Variants in RB1CC1 observed in about 807,000 individuals in gnomAD.
The protein encoded by RB1CC1 is RB1-inducible coiled-coil protein 1.
RB1CC1 carries 46 observed loss-of-function variants against 177.5 expected under a neutral mutation model. The ratio of observed to expected loss-of-function variants is 0.26; its 90% confidence interval spans 0.20 to 0.33. The LOEUF (loss-of-function observed/expected upper bound fraction) is 0.33. Among genes scored for constraint, RB1CC1 ranks in the 10% least tolerant of loss-of-function variants. The pLI is 1.00. For synonymous variants in RB1CC1, 666 were observed against 613.6 expected, an observed-to-expected ratio of 1.09 and a Z score of -1.26; for missense variants, 1,703 against 1,816.3, an observed-to-expected ratio of 0.94 and a Z score of 1.13.
chr8:52,648,698 T>A (rs557402868), intron 15 of RB1CC1, among the ~76,000 whole-genome samples: 2 of 152,262 alleles, frequency 1.3e-5, no homozygotes, highest in Admixed American at 6.5e-5. Flanking sequence ...CTTTTGCAGT[T>A]TGAGGTGTGA....
At chr8:52,673,814 A>C (rs1318046589) in intron 7 of RB1CC1, 31 bp downstream of exon 7, 3 of 1,545,084 alleles carry the variant, frequency 1.9e-6, no homozygotes, top group Non-Finnish European at 2.6e-6. Flanking sequence ...TAGTAAAATG[A>C]CAAAACAAAC....
At chr8:52,690,308 TC>T (rs1256308606) in intron 1 of RB1CC1, among the ~76,000 whole-genome samples, 2 of 152,222 alleles carry the variant, frequency 1.3e-5, no homozygotes, top group African/African-American at 4.8e-5. Flanking sequence ...ATTCCTTCAT[TC>T]ATTCATTCAT....
chr8:52,646,638 G>A (rs887953136), intron 15 of RB1CC1, among the ~76,000 whole-genome samples: 1 of 152,142 alleles, frequency 6.6e-6, no homozygotes, highest in Non-Finnish European at 1.5e-5. Context: ...GCGCTTACAC[G>A]AACAAATCTA....
At chr8:52,649,287 G>A (rs1467407185) in intron 15 of RB1CC1, among the ~76,000 whole-genome samples, 2 of 152,244 alleles carry the variant, frequency 1.3e-5, no homozygotes, top group South Asian at 4.1e-4. Context: ...ACTCAAGGAA[G>A]CAGATACATT....
Position 52,685,534 on chromosome 8 carries a change from G to C in RB1CC1, c.-51-14C>G, listed in dbSNP as rs957833073. On this transcript the variant is annotated splice_polypyrimidine_tract_variant and intron_variant, in intron 2 of 23. Coordinates refer to ENST00000025008, the MANE Select transcript of RB1CC1 (RefSeq NM_014781.5). ...CTGATACAGTTACTAGAAGAAACAA[G>C]AGAAGTGATCAATTTTACAAATGCA... The C allele has an allele frequency of 2.0e-6, 2 of 1,002,510 alleles. No individual in the cohort carries two copies. Among genetic ancestry groups the C allele is most frequent in the East Asian group, 2.4e-5 (1 of 40,918 alleles). 62.1% of individuals were successfully genotyped at this position (1,002,510 alleles called of 1,614,324 possible). A position where few individuals can be genotyped will look rare whatever the true frequency, so the allele number is the denominator to read the frequency against.
chr8:52,623,619 C>T lies in RB1CC1; in HGVS notation c.*163G>A. 4 of 662,228 alleles carry T rather than the reference C, an allele frequency of 6.0e-6. No homozygotes were observed. Among genetic ancestry groups the T allele is most frequent in the Non-Finnish European group, 1.1e-5 (4 of 358,634 alleles). The allele number at this position is 662,228 out of a possible 1,614,324, so 41.0% of individuals were successfully genotyped here. A position where few individuals can be genotyped will look rare whatever the true frequency, so the allele number is the denominator to read the frequency against. On this transcript the variant is annotated 3_prime_UTR_variant, in exon 24 of 24. Coordinates refer to ENST00000025008, the MANE Select transcript of RB1CC1 (RefSeq NM_014781.5). ...AAGGATTCTGATGAATTTATTATTCCTAAAATGAAGCCAGTTAAAAAGTAA... is the reference window on the plus strand; with the variant it reads ...AAGGATTCTGATGAATTTATTATTCTTAAAATGAAGCCAGTTAAAAAGTAA...
intron 7 of RB1CC1, among the ~76,000 whole-genome samples, chr8:52,671,498 G>A (rs757693456): frequency 6.6e-5 from 10 of 152,038 alleles, no homozygotes; most frequent in Non-Finnish European, 1.2e-4. Context: ...TCTCATACTC[G>A]GTTCATCTTC....
chr8:52,636,798 A>G (rs565654182), intron 18 of RB1CC1, among the ~76,000 whole-genome samples: 2 of 152,312 alleles, frequency 1.3e-5, no homozygotes, highest in South Asian at 4.1e-4. Flanking sequence ...ATCCTTTTGC[A>G]TCAGAATATC....
At chr8:52,668,593 TC>T (rs1305257897) in intron 7 of RB1CC1, among the ~76,000 whole-genome samples, 3 of 152,116 alleles carry the variant, frequency 2.0e-5, no homozygotes, top group Non-Finnish European at 4.4e-5. Context: ...AGATAAAACT[TC>T]CTTATTCTCT....
In RB1CC1 at chr8:52,656,633, A is replaced by G; in HGVS notation, c.3196T>C (p.Leu1066=). Residue 1066 remains leucine, a synonymous_variant, in exon 15 of 24, where the codon TTG becomes CTG. Transcript: ENST00000025008. ...TRCKLEVELA[L]KEAETDEIKI... is the part of the protein sequence containing the mutation. ...ATTTCATCAGTTTCTGCTTCCTTCA[A>G]CGCAAGTTCAACCTCTAACTTGCAT... 1 of 1,613,794 alleles carries G rather than the reference A, an allele frequency of 6.2e-7. No individual in the cohort carries two copies. The highest frequency in any genetic ancestry group is 8.5e-7 in the Non-Finnish European group (1 of 1,179,886).
In RB1CC1 at chr8:52,630,968, G is replaced by C. The variant is rs147303365; in HGVS notation, c.4441-440C>G. Among the ~76,000 whole-genome samples the C allele has an allele frequency of 5.7e-3, 866 of 152,250 alleles. 3 individuals are homozygous for C. Among genetic ancestry groups the C allele is most frequent in the Non-Finnish European group, 9.6e-3 (651 of 68,014 alleles). Reference sequence around the variant, plus strand: ...GCTGCTGCTCACAGCCGTCACAATTGCAAGAGAACACCAAACAAAGGAAGG... The same window carrying C: ...GCTGCTGCTCACAGCCGTCACAATTCCAAGAGAACACCAAACAAAGGAAGG... On this transcript the variant is annotated intron_variant, in intron 20 of 23. Coordinates refer to ENST00000025008, the MANE Select transcript of RB1CC1 (RefSeq NM_014781.5).
chr8:52,661,168 GTAC>G lies in RB1CC1; in HGVS notation c.1469_1471del (p.Ser490del). On this transcript the variant is annotated inframe_deletion, in exon 10 of 24. Coordinates refer to ENST00000025008, the MANE Select transcript of RB1CC1 (RefSeq NM_014781.5). ...AGCTAAGCAGTACATCTGAGGAACTGTACTAAGAGCTTCAACAATTTTGACTCT... is the reference window on the plus strand; with the variant it reads ...AGCTAAGCAGTACATCTGAGGAACTGTAAGAGCTTCAACAATTTTGACTCT... The G allele has an allele frequency of 6.2e-7, 1 of 1,613,876 alleles. No individual in the cohort carries two copies. Among genetic ancestry groups the G allele is most frequent in the Non-Finnish European group, 8.5e-7 (1 of 1,179,868 alleles).
chr8:52,642,230 C>A, intron 18 of RB1CC1, 121 bp downstream of exon 18: 1 of 1,307,056 alleles, frequency 7.7e-7, no homozygotes, highest in South Asian at 1.5e-5. Context: ...TAAAATAGCA[C>A]AACTTTCAGA....
At chr8:52,666,747 G>A (rs912022552) in intron 8 of RB1CC1, among the ~76,000 whole-genome samples, 1 of 152,046 alleles carries the variant, frequency 6.6e-6, no homozygotes, top group Non-Finnish European at 1.5e-5. Flanking sequence ...TAAGAAATGA[G>A]CAAGTGGTTA....
rs72614656 is a variant in RB1CC1, at chr8:52,694,887, C to T, written c.-166-7920G>A. Among the ~76,000 whole-genome samples, 480 of 152,256 alleles carry T rather than the reference C, an allele frequency of 3.2e-3. 15 individuals carry two copies. The East Asian group carries it at 0.075, about 24-fold the overall frequency. ...AAGAAGATATTTTCCATACCTGCCA[C>T]CCATCATTTAATTCAAATATCCAAA... On this transcript the variant is annotated intron_variant, in intron 1 of 23. Coordinates refer to ENST00000025008, the MANE Select transcript of RB1CC1 (RefSeq NM_014781.5).
chr8:52,675,811 T>C (rs192627934), intron 6 of RB1CC1, among the ~76,000 whole-genome samples: 251 of 146,026 alleles, frequency 1.7e-3, no homozygotes, highest in Non-Finnish European at 3.4e-3. Context: ...GGAGTAAACC[T>C]GGGAGGTGGA....
Position 52,656,961 on chromosome 8 carries a change from T to C in RB1CC1, c.2868A>G (p.Glu956=). 1 of 1,613,644 alleles carries C rather than the reference T, an allele frequency of 6.2e-7. No individual in the cohort carries two copies. The highest frequency in any genetic ancestry group is 8.5e-7 in the Non-Finnish European group (1 of 1,179,930). Residue 956 remains glutamate, a synonymous_variant, in exon 15 of 24, where the codon GAA becomes GAG. Coordinates refer to ENST00000025008, the MANE Select transcript of RB1CC1 (RefSeq NM_014781.5). ...CEIKELKQSR[E]IVLEDLKKLH... ...GCTTTTTTAAGTCTTCTAACACTAT[T>C]TCTCGTGACTGCTTCAGTTCTTTAA... is the stretch of plus-strand genomic sequence containing the variant.
At position 52,634,960 on chromosome 8, in the gene RB1CC1, T is replaced by C. The variant is rs73681526; in HGVS notation, c.4401A>G (p.Gln1467=). ...ACCGTTTATTTTCTTCTTCTTTCAA[T>C]TGCAATGTCTGCAGGTGGAAAAAAG... ...QRIMLLERTL[Q]LKEEENKRLN... Residue 1467 remains glutamine (Q), a synonymous_variant, in exon 20 of 24, where the codon CAA becomes CAG. Transcript: ENST00000025008. The C allele has an allele frequency of 6.1e-4, 986 of 1,609,668 alleles. 9 individuals carry two copies. In the African/African-American group the frequency reaches 0.012, roughly 19 times the overall value.
intron 4 of RB1CC1, 61 bp from the exon 5 acceptor site, chr8:52,683,780 C>T (rs760845374): frequency 6.4e-6 from 10 of 1,558,828 alleles, no homozygotes; most frequent in Non-Finnish European, 8.7e-6. Flanking sequence ...TGAGCGTGCA[C>T]ATTGCCTTCA....
Sources: gnomAD v4.1 joint callset for allele counts (sites outside exome capture counted in the v4.1 genomes callset) on GRCh38, gnomAD v4.1.1 for gene constraint, MANE v1.5 for transcripts, NCBI Gene and HGNC (gene_info 2026-07-23, HGNC 2026-07-21) for gene names.